The following GARNL3 variants were observed in gnomAD, a reference collection of about 807,000 sequenced individuals.
The protein encoded by GARNL3 is GTPase-activating Rap/Ran-GAP domain-like protein 3.
Under a neutral mutation model 125.0 loss-of-function variants are expected in GARNL3, and 63 were observed. That is an observed-to-expected ratio of 0.50 (90% CI 0.41 to 0.62). The LOEUF is 0.62. GARNL3 is among the 20% of genes least tolerant of loss of function. The pLI, the probability that GARNL3 is intolerant of heterozygous loss-of-function variation, is 0.00. For synonymous variants in GARNL3, 439 were observed against 457.5 expected (o/e 0.96, Z 0.52); for missense variants, 994 against 1,244.0 (o/e 0.80, Z 3.02).
At position 127,385,903 on chromosome 9, in the gene GARNL3, G is replaced by C. The variant is rs920614824; in HGVS notation, c.2388+758G>C. On this transcript the variant is annotated intron_variant, in intron 24 of 27. Transcript: ENST00000373387. The surrounding 1 kb of genome is among the most constrained non-coding windows in gnomAD (Gnocchi z 4.1). ...GTGGTGTGCTCAATGCTTCAGTCCC[G>C]CAGTGCTCTGGAAAATGTGTGTGTG... Among the ~76,000 whole-genome samples, 3 of 152,154 alleles carry C rather than the reference G, an allele frequency of 2.0e-5. No homozygotes were observed. The highest frequency in any genetic ancestry group is 7.2e-5 in the African/African-American group (3 of 41,424).
chr9:127,318,522 A>C (rs1438489276), intron 5 of GARNL3, among the ~76,000 whole-genome samples: 5 of 152,244 alleles, frequency 3.3e-5, no homozygotes, highest in Non-Finnish European at 7.3e-5. Flanking sequence ...AAGATAATCA[A>C]GAAATATTTT....
At chr9:127,317,235 A>G (rs759587915) in intron 4 of GARNL3, among the ~76,000 whole-genome samples, 2 of 152,230 alleles carry the variant, frequency 1.3e-5, no homozygotes, top group Non-Finnish European at 2.9e-5. Flanking sequence ...GTTGGTACTC[A>G]TTTAGGAGAA....
At position 127,365,390 on chromosome 9, in the gene GARNL3, C is replaced by CT. The variant is rs1831229892; in HGVS notation, c.2161+27dup. The stretch of plus-strand genomic sequence containing the variant: ...CTGTAAGTTAAGGATGTGCTTTTAT[C>CT]TTTATTTGCTTAAATGGACTGCTTT... On this transcript the variant is annotated intron_variant, in intron 22 of 27. Coordinates refer to ENST00000373387, the MANE Select transcript of GARNL3 (RefSeq NM_032293.5). 8.4e-6 allele frequency: 13 copies of CT among 1,555,160 alleles called. 1 individual carries two copies. In the East Asian group the frequency reaches 2.9e-4, roughly 35 times the overall value.
intron 22 of GARNL3, among the ~76,000 whole-genome samples, chr9:127,369,737 G>C (rs1207913839): frequency 6.6e-6 from 1 of 152,240 alleles, no homozygotes; most frequent in Non-Finnish European, 1.5e-5. Flanking sequence ...ACTCTTCAGA[G>C]ACTTGCTTTA....
At chr9:127,227,893 C>G (rs1157247467) in intron 1 of GARNL3, among the ~76,000 whole-genome samples, 4 of 152,156 alleles carry the variant, frequency 2.6e-5, no homozygotes, top group Non-Finnish European at 5.9e-5. Flanking sequence ...GCACCCCAGC[C>G]TGGGCAACAG....
At chr9:127,383,568 T>C (rs2131818311) in intron 23 of GARNL3, 23 bp downstream of exon 23, 1 of 1,468,832 alleles carries the variant, frequency 6.8e-7, no homozygotes, top group Non-Finnish European at 9.5e-7. Context: ...TTTATCATAA[T>C]GCTTTTCTCC....
chr9:127,304,477 G>A (rs1211062383), intron 2 of GARNL3, among the ~76,000 whole-genome samples: 1 of 150,666 alleles, frequency 6.6e-6, no homozygotes, highest in African/African-American at 2.4e-5. Flanking sequence ...CAACAGAAAT[G>A]AGTACTTGTA....
At position 127,342,289 on chromosome 9, in the gene GARNL3, G is replaced by A; in HGVS notation, c.1206G>A (p.Met402Ile). 6.2e-7 allele frequency: 1 copy of A among 1,613,990 alleles called. No homozygotes were observed. Among genetic ancestry groups the A allele is most frequent in the Non-Finnish European group, 8.5e-7 (1 of 1,179,866 alleles). The change falls in exon 14 of 28, where the codon ATG becomes ATA. Residue 402 changes from methionine to isoleucine, a missense_variant. Transcript: ENST00000373387. ...AGAAACGTCGGCGTACCCTGGATATGTTGATTAGATCTTTACACCAGGATT... is the reference window on the plus strand; with the variant it reads ...AGAAACGTCGGCGTACCCTGGATATATTGATTAGATCTTTACACCAGGATT... ...FAQKRRRTLD[M>I]LIRSLHQDLM...
At chr9:127,243,440 T>C (rs1242818177) in intron 2 of GARNL3, among the ~76,000 whole-genome samples, 2 of 152,232 alleles carry the variant, frequency 1.3e-5, no homozygotes, top group Admixed American at 1.3e-4. Context: ...ATTGAGCACC[T>C]ACTCGTCCAG....
In GARNL3 at chr9:127,377,353, T is replaced by C. The variant is rs569625628; in HGVS notation, c.2162-6085T>C. On this transcript the variant is annotated intron_variant, in intron 22 of 27. Coordinates refer to ENST00000373387, the MANE Select transcript of GARNL3 (RefSeq NM_032293.5). Reference sequence around the variant, plus strand: ...CAATTGGACAAACTTTTGGAAAAAGTAAATGTATGCCTCTGTTTTTAGTTC... The same window carrying C: ...CAATTGGACAAACTTTTGGAAAAAGCAAATGTATGCCTCTGTTTTTAGTTC... Among the ~76,000 whole-genome samples, 17 of 152,342 alleles carry C rather than the reference T, an allele frequency of 1.1e-4. No homozygotes were observed. In the South Asian group the frequency reaches 1.2e-3, roughly 11 times the overall value.
rs1830289215 is a variant in GARNL3 at position 127,348,994 on chromosome 9, C to A, written c.1502C>A (p.Ala501Asp). ...GTGTGTGCAGATCCCTGGGGCCAGGCCTTGCTGGTTTCCACTGATGCTGGC... is the reference window on the plus strand; with the variant it reads ...GTGTGTGCAGATCCCTGGGGCCAGGACTTGCTGGTTTCCACTGATGCTGGC... ...EAVCADPWGQ[A>D]LLVSTDAGVL... Residue 501 changes from alanine (A) to aspartate (D), a missense_variant, in exon 17 of 28, where the codon GCC (alanine) becomes GAC (aspartate). Ala to Asp is a moderately radical substitution (Grantham distance 126). Around this residue, in one of 5 missense-constraint regions of GARNL3, gnomAD observed 728 missense variants for 865.7 expected, o/e 0.84. Transcript: ENST00000373387. The A allele has an allele frequency of 2.5e-6, 4 of 1,613,802 alleles. No individual in the cohort carries two copies. Among genetic ancestry groups the A allele is most frequent in the Middle Eastern group, 1.7e-4 (1 of 6,052 alleles).
chr9:127,369,461 G>C (rs1304470854), intron 22 of GARNL3, among the ~76,000 whole-genome samples: 1 of 152,234 alleles, frequency 6.6e-6, no homozygotes, highest in Non-Finnish European at 1.5e-5. Context: ...TTACCAAAGG[G>C]AAGGGAGAGA....
rs200452737 is a variant in GARNL3 at position 127,387,285 on chromosome 9, A to G, written c.2481A>G (p.Thr827=). 11 of 1,613,792 alleles carry G rather than the reference A, an allele frequency of 6.8e-6. No homozygotes were observed. The South Asian group carries it at 1.1e-4, about 16-fold the overall frequency. The change falls in exon 25 of 28, where the codon ACA becomes ACG. Residue 827 remains threonine, a synonymous_variant. Coordinates refer to ENST00000373387, the MANE Select transcript of GARNL3 (RefSeq NM_032293.5). ...KGASARNSPQ[T]PPGRDTPVFP... ...CCAGTGCCCGAAATTCTCCTCAGAC[A>G]CCCCCGGGCCGAGATACTCCAGTAT... is the stretch of plus-strand genomic sequence containing the variant.
intron 1 of GARNL3, among the ~76,000 whole-genome samples, chr9:127,269,786 G>GTTTTTTTTTTTTTTTTTTTTTTTTTT (rs57287183): frequency 7.7e-6 from 1 of 129,830 alleles, no homozygotes; most frequent in Non-Finnish European, 1.6e-5. Flanking sequence ...TGTTTTTTGT[G>GTTTTTTTTTTTTTTTTTTTTTTTTTT]TTTTTTTTTT....
In GARNL3 at chr9:127,355,433, C is replaced by T; in HGVS notation, c.1896C>T (p.Pro632=). 6.2e-7 allele frequency: 1 copy of T among 1,614,208 alleles called. No homozygotes were observed. The highest frequency in any genetic ancestry group is 1.3e-5 in the African/African-American group (1 of 75,062). Residue 632 remains proline, a synonymous_variant, in exon 20 of 28, where the codon CCC becomes CCT. Coordinates refer to ENST00000373387, the MANE Select transcript of GARNL3 (RefSeq NM_032293.5). Reference sequence around the variant, plus strand: ...TCACCAGCACCTCATTGTTATCTCCCCTGTCTGAGTCACCTGTTGAAGAAT... The same window carrying T: ...TCACCAGCACCTCATTGTTATCTCCTCTGTCTGAGTCACCTGTTGAAGAAT... ...SGVTSTSLLS[P]LSESPVEEFQ...
intron 2 of GARNL3, chr9:127,245,297 C>G (rs932078066): frequency 6.6e-6 from 1 of 152,312 alleles, no homozygotes; most frequent in African/African-American, 2.4e-5. Context: ...CCTTCCGGCC[C>G]TATTGGTGAA....
chr9:127,351,327 C>T (rs1830412910), intron 17 of GARNL3, among the ~76,000 whole-genome samples: 2 of 152,010 alleles, frequency 1.3e-5, no homozygotes, highest in Non-Finnish European at 2.9e-5. Context: ...TGTGATTTGC[C>T]AGGAAATTCT....
intron 1 of GARNL3, among the ~76,000 whole-genome samples, chr9:127,237,076 T>G (rs2063125679): frequency 6.6e-6 from 1 of 152,166 alleles, no homozygotes; most frequent in Admixed American, 6.5e-5. Context: ...GAATTAAGTG[T>G]GTACAAGTTT....
At chr9:127,257,419 A>G (rs2063512564) in intron 2 of GARNL3, among the ~76,000 whole-genome samples, 1 of 152,220 alleles carries the variant, frequency 6.6e-6, no homozygotes, top group African/African-American at 2.4e-5. Context: ...CAGCTTCTCC[A>G]CTTCCTTGCC....
Sources: allele counts gnomAD v4.1 joint callset (sites outside exome capture counted in the v4.1 genomes callset), GRCh38; gene constraint gnomAD v4.1.1; regional missense constraint gnomAD v4.1.1; non-coding constraint Gnocchi (gnomAD v3.1); transcripts MANE v1.5; gene names NCBI Gene and HGNC (gene_info 2026-07-23, HGNC 2026-07-21).